Variants in HLA-F observed in about 807,000 individuals in gnomAD.
The protein encoded by HLA-F is major histocompatibility complex, class I, F, also known as HLA class I histocompatibility antigen, alpha chain F.
Under a neutral mutation model 49.5 loss-of-function variants are expected in HLA-F, and 46 were observed. The observed-to-expected ratio is 0.93, with a 90% CI of 0.73 to 1.19. The LOEUF is 1.19. HLA-F is among the 50% of genes most tolerant of loss of function. The probability of loss-of-function intolerance (pLI) is 0.00; values close to 1 mark genes in which losing one functional copy is unlikely to be tolerated. For missense variants in HLA-F, 496 were observed against 579.6 expected (o/e 0.86, Z 1.48); for synonymous variants, 203 against 233.5 (o/e 0.87, Z 1.19).
chr6:29,736,329 CTTG>C (rs1777097459), intron 3 of HLA-F: 2 of 432,930 alleles, frequency 4.6e-6, no homozygotes, highest in Non-Finnish European at 9.2e-6. Context: ...GCCTACTGCT[CTTG>C]TTGTAGATTC....
At chr6:29,735,361 G>GTATATATA (rs1776985172) in intron 3 of HLA-F, 1 of 33,684 alleles carries the variant, frequency 3.0e-5, no homozygotes, top group Non-Finnish European at 6.4e-5. Flanking sequence ...GTATATATAT[G>GTATATATA]TGTGTATATA....
intron 6 of HLA-F, chr6:29,726,319 T>A: frequency 1.4e-6 from 2 of 1,418,744 alleles, no homozygotes; most frequent in Non-Finnish European, 2.0e-6. Context: ...TTGACTTGGA[T>A]GTCTTGAGCA....
chr6:29,726,887 C>T lies in HLA-F; in HGVS notation c.1041C>T (p.Tyr347=). 6.2e-7 allele frequency: 1 copy of T among 1,602,888 alleles called. No individual in the cohort carries two copies. Among genetic ancestry groups the T allele is most frequent in the South Asian group, 1.1e-5 (1 of 91,070 alleles). The change falls in exon 7 of 7, where the codon TAC becomes TAT. Residue 347 remains tyrosine (Y), a synonymous_variant. Coordinates refer to ENST00000259951, the MANE Select transcript of HLA-F (RefSeq NM_001098479.2). ...NRGSYSQAAA[Y]SVVSGNLMIT... ...TGTTTTCTATCTTCTTCACAGCCTA[C>T]TCAGTGGTCAGCGGAAACTTGATGA...
intron 3 of HLA-F, among the ~76,000 whole-genome samples, chr6:29,733,360 AT>A (rs9280686): frequency 6.6e-6 from 1 of 151,712 alleles, no homozygotes; most frequent in African/African-American, 2.4e-5. Context: ...TGTGTATTTT[AT>A]TTTTTTTAAT....
At chr6:29,723,949 C>G in intron 2 of HLA-F, 22 bp downstream of exon 2, 1 of 1,579,708 alleles carries the variant, frequency 6.3e-7, no homozygotes, top group South Asian at 1.1e-5. Flanking sequence ...CGGCCGGGGG[C>G]GCAGGTCACG....
In HLA-F at chr6:29,727,031, T is replaced by G; in HGVS notation, c.1185T>G (p.Phe395Leu). 6.2e-7 allele frequency: 1 copy of G among 1,613,470 alleles called. No homozygotes were observed. The highest frequency in any genetic ancestry group is 8.5e-7 in the Non-Finnish European group (1 of 1,180,044). Residue 395 changes from phenylalanine (F) to leucine (L), a missense_variant, in exon 7 of 7, where the codon TTT becomes TTG. Phe to Leu is a conservative substitution (Grantham distance 22). Coordinates refer to ENST00000259951, the MANE Select transcript of HLA-F (RefSeq NM_001098479.2). ...TGGGTGACATGTGGATCTTGTTTTT[T>G]TTGTGGCTGTGGACATCTTTCAACA... ...RKVGDMWILF[F>L]LWLWTSFNTA...
chr6:29,726,170 C>G (rs1381727096), intron 6 of HLA-F, 127 bp downstream of exon 6: 1 of 1,043,954 alleles, frequency 9.6e-7, no homozygotes, highest in Admixed American at 1.7e-5. Flanking sequence ...TGTTTTTGTT[C>G]TACCCCAATC....
Position 29,725,077 on chromosome 6 carries a change from G to C in HLA-F, c.657G>C (p.Glu219Asp). 2 of 1,613,998 alleles carry C rather than the reference G, an allele frequency of 1.2e-6. No homozygotes were observed. Among genetic ancestry groups the C allele is most frequent in the South Asian group, 2.2e-5 (2 of 91,076 alleles). ...CCCACCACCCCATCTCTGACCATGA[G>C]GCCACCCTGAGGTGCTGGGCCCTGG... is the stretch of plus-strand genomic sequence containing the variant. Reference protein sequence around the residue: ...HVAHHPISDHEATLRCWALGF... With the variant: ...HVAHHPISDHDATLRCWALGF... Residue 219 changes from glutamate to aspartate, a missense_variant, in exon 4 of 7, where the codon GAG becomes GAC. Physicochemically the swap from Glu to Asp is conservative, Grantham distance 45. Coordinates refer to ENST00000259951, the MANE Select transcript of HLA-F (RefSeq NM_001098479.2).
In HLA-F at chr6:29,727,076, A is replaced by G; in HGVS notation, c.1230A>G (p.Gln410=). The part of the protein sequence containing the change: ...TSFNTAFLAL[Q]SLRFGFGFRR... Reference sequence around the variant, plus strand: ...TCAACACTGCCTTCTTGGCCTTGCAAAGCCTTCGCTTTGGCTTCGGCTTTA... The same window carrying G: ...TCAACACTGCCTTCTTGGCCTTGCAGAGCCTTCGCTTTGGCTTCGGCTTTA... Residue 410 remains glutamine, a synonymous_variant, in exon 7 of 7, where the codon CAA becomes CAG. Transcript: ENST00000259951. The G allele has an allele frequency of 6.2e-7, 1 of 1,613,198 alleles. No individual in the cohort carries two copies. The highest frequency in any genetic ancestry group is 8.5e-7 in the Non-Finnish European group (1 of 1,180,030).
chr6:29,737,236 A>AAAAAAC (rs1777191777), intron 3 of HLA-F, among the ~76,000 whole-genome samples: 2 of 150,720 alleles, frequency 1.3e-5, no homozygotes, highest in Non-Finnish European at 3.0e-5. Context: ...AAAAAAAAAA[A>AAAAAAC]AAAAACCCTG....
At chr6:29,725,403 G>C (rs752274109) in intron 4 of HLA-F, 44 bp from the exon 5 acceptor site, 2 of 1,609,756 alleles carry the variant, frequency 1.2e-6, no homozygotes, top group East Asian at 4.5e-5. Context: ...GGTCAGGGCT[G>C]AGGCCTGGAG....
At position 29,724,179 on chromosome 6, in the gene HLA-F, A is replaced by T; in HGVS notation, c.341A>T (p.His114Leu). The T allele has an allele frequency of 4.3e-6, 7 of 1,612,904 alleles. No individual in the cohort carries two copies. Among genetic ancestry groups the T allele is most frequent in the Non-Finnish European group, 5.9e-6 (7 of 1,179,948 alleles). Residue 114 changes from histidine to leucine, a missense_variant, in exon 3 of 7, where the codon CAC (histidine) becomes CTC (leucine). By Grantham distance (99) the His-to-Leu change is moderately conservative. Coordinates refer to ENST00000259951, the MANE Select transcript of HLA-F (RefSeq NM_001098479.2). The stretch of plus-strand genomic sequence containing the variant: ...GACTGCGGGGACCGGCTAGGGTCTC[A>T]CACCCTCCAGGGAATGAATGGCTGC... ...RRYNQSEAGS[H>L]TLQGMNGCDM...
At chr6:29,729,533 C>T (rs1776385470), downstream of HLA-F, among the ~76,000 whole-genome samples, 1 of 152,110 alleles carries the variant, frequency 6.6e-6, no homozygotes, top group Admixed American at 6.6e-5. Context: ...AGGAGTTCAA[C>T]CTATAAATCT....
At chr6:29,737,576 C>T (rs1324446418) in intron 3 of HLA-F, among the ~76,000 whole-genome samples, 1 of 152,166 alleles carries the variant, frequency 6.6e-6, no homozygotes, top group African/African-American at 2.4e-5. Context: ...AGCTGCCAAA[C>T]TTCTCCCTCT....
chr6:29,737,237 A>AC (rs1467322895), intron 3 of HLA-F, among the ~76,000 whole-genome samples: 1 of 150,452 alleles, frequency 6.6e-6, no homozygotes, highest in East Asian at 2.0e-4. Flanking sequence ...AAAAAAAAAA[A>AC]AAAACCCTGA....
chr6:29,723,695 G>C lies in HLA-F; in HGVS notation c.102G>C (p.Ser34=), dbSNP rs1468929401. The stretch of plus-strand genomic sequence containing the variant: ...TGAGGTATTTCAGCACCGCTGTGTC[G>C]CGGCCCGGCCGCGGGGAGCCCCGCT... ...HSLRYFSTAV[S]RPGRGEPRYI... Residue 34 remains serine (S), a synonymous_variant, in exon 2 of 7, where the codon TCG becomes TCC. Coordinates refer to ENST00000259951, the MANE Select transcript of HLA-F (RefSeq NM_001098479.2). 6.2e-7 allele frequency: 1 copy of C among 1,611,324 alleles called. No individual in the cohort carries two copies. The highest frequency in any genetic ancestry group is 8.5e-7 in the Non-Finnish European group (1 of 1,179,538).
At position 29,725,073 on chromosome 6, in the gene HLA-F, A is replaced by G. The variant is rs1775875033; in HGVS notation, c.653A>G (p.His218Arg). Reference protein sequence around the residue: ...AHVAHHPISDHEATLRCWALG... With the variant: ...AHVAHHPISDREATLRCWALG... ...GTTGCCCACCACCCCATCTCTGACC[A>G]TGAGGCCACCCTGAGGTGCTGGGCC... The change falls in exon 4 of 7, where the codon CAT (histidine) becomes CGT (arginine). Residue 218 changes from histidine to arginine, a missense_variant. Coordinates refer to ENST00000259951, the MANE Select transcript of HLA-F (RefSeq NM_001098479.2). The G allele has an allele frequency of 6.2e-7, 1 of 1,613,874 alleles. No homozygotes were observed. The highest frequency in any genetic ancestry group is 8.5e-7 in the Non-Finnish European group (1 of 1,179,878).
Position 29,724,433 on chromosome 6 carries a change from A to G in HLA-F, c.595A>G (p.Thr199Ala). Residue 199 changes from threonine (T) to alanine (A), a missense_variant, in exon 3 of 7, where the codon ACG becomes GCG. Thr to Ala is a moderately conservative substitution (Grantham distance 58, BLOSUM62 0). Coordinates refer to ENST00000259951, the MANE Select transcript of HLA-F (RefSeq NM_001098479.2). ...CAGATACTTGGAGAATGGGAAGGAG[A>G]CGCTACAGCGCGCAGGTACCAGGGG... Reference protein sequence around the residue: ...LRRYLENGKETLQRADPPKAH... With the variant: ...LRRYLENGKEALQRADPPKAH... 3.1e-6 allele frequency: 5 copies of G among 1,613,100 alleles called. No individual in the cohort carries two copies. In the East Asian group the frequency reaches 1.1e-4, roughly 36 times the overall value.
downstream of HLA-F, among the ~76,000 whole-genome samples, chr6:29,732,086 A>G (rs28359995): frequency 0.023 from 3,496 of 151,918 alleles, 50 homozygotes; most frequent in Admixed American, 0.044. Context: ...CACCTCAAAC[A>G]CTGGGGTACC....
Sources: gnomAD v4.1 joint callset for allele counts (sites outside exome capture counted in the v4.1 genomes callset) on GRCh38, gnomAD v4.1.1 for gene constraint, MANE v1.5 for transcripts, NCBI Gene and HGNC (gene_info 2026-07-23, HGNC 2026-07-21) for gene names.